The following CELA3B variants were observed in gnomAD, a reference collection of about 807,000 sequenced individuals.
CELA3B encodes the protein chymotrypsin-like elastase family member 3B.
A neutral mutation model predicts 37.2 loss-of-function variants in CELA3B; 34 were observed. That is an observed-to-expected ratio of 0.91 (90% CI 0.70 to 1.22). The LOEUF (loss-of-function observed/expected upper bound fraction) is 1.22, where lower values mean the gene tolerates loss of function less well. Ranked by LOEUF, CELA3B falls within the 50% of genes most tolerant of loss-of-function variation. CELA3B has a pLI of 0.00. For missense variants in CELA3B, 340 were observed against 363.1 expected, an observed-to-expected ratio of 0.94 and a Z score of 0.52; for synonymous variants, 127 against 143.5, an observed-to-expected ratio of 0.89 and a Z score of 0.82.
At chr1:21,982,851 T>C (rs932339088) in intron 4 of CELA3B, among the ~76,000 whole-genome samples, 16 of 152,158 alleles carry the variant, frequency 1.1e-4, no homozygotes, top group Non-Finnish European at 2.2e-4. Flanking sequence ...CTAATTTTTT[T>C]TGTATTTTTA....
intron 1 of CELA3B, among the ~76,000 whole-genome samples, chr1:21,977,397 T>C (rs1644778811): frequency 6.6e-6 from 1 of 152,114 alleles, no homozygotes; most frequent in Non-Finnish European, 1.5e-5. Context: ...ACTGTTCTGC[T>C]TACCACTCCA....
At chr1:21,987,100 G>C (rs890907492) in intron 7 of CELA3B, 15 of 327,688 alleles carry the variant, frequency 4.6e-5, no homozygotes, top group Non-Finnish European at 8.6e-5. Context: ...TGGGTGATCA[G>C]AGAGGACTAA....
intron 2 of CELA3B, among the ~76,000 whole-genome samples, chr1:21,979,038 A>T (rs1644788244): frequency 1.2e-5 from 1 of 86,346 alleles, no homozygotes; most frequent in Non-Finnish European, 2.4e-5. Context: ...ACAGAGTGAG[A>T]CTCTGTCTCA....
At chr1:21,993,025 A>G (rs1160211944), downstream of CELA3B, among the ~76,000 whole-genome samples, 1 of 151,104 alleles carries the variant, frequency 6.6e-6, no homozygotes, top group Non-Finnish European at 1.5e-5. Flanking sequence ...TTCTAATGGC[A>G]GGATGTCCAG....
Position 21,994,508 on chromosome 1 carries a change from A to G in CELA3B, c.505-3643A>G, listed in dbSNP as rs140155659. Among the ~76,000 whole-genome samples, 1,381 of 150,600 alleles carry G rather than the reference A, an allele frequency of 9.2e-3. 53 individuals are homozygous for G. Among genetic ancestry groups the G allele is most frequent in the African/African-American group, 0.02 (799 of 40,616 alleles). On this transcript the variant is annotated intron_variant, in intron 4 of 4. Coordinates refer to the CELA3B transcript ENST00000400277. ...GCCAATTCCCCAGATTAAATTCCCTATACTTCAAATACTTGAGATTTCTGT... is the reference window on the plus strand; with the variant it reads ...GCCAATTCCCCAGATTAAATTCCCTGTACTTCAAATACTTGAGATTTCTGT...
downstream of CELA3B, among the ~76,000 whole-genome samples, chr1:21,992,870 T>A (rs1455521654): frequency 6.8e-6 from 1 of 147,752 alleles, no homozygotes; most frequent in Non-Finnish European, 1.5e-5. Flanking sequence ...GAGGCAGAGG[T>A]GGGAAGATCA....
chr1:21,979,446 TTCTTTTC>T lies in CELA3B; in HGVS notation c.129+994_129+1000del, dbSNP rs1244217252. Among the ~76,000 whole-genome samples the T allele has an allele frequency of 4.5e-3, 472 of 104,458 alleles. 5 individuals are homozygous for T. Among genetic ancestry groups the T allele is most frequent in the African/African-American group, 0.016 (434 of 27,104 alleles). The allele number at this position is 104,458 out of a possible 152,430, so 68.5% of individuals were successfully genotyped here. A position where few individuals can be genotyped will look rare whatever the true frequency, so the allele number is the denominator to read the frequency against. The stretch of plus-strand genomic sequence containing the variant: ...GCCATATTTCTTTTTTTCTTTTCTT[TTCTTTTC>T]TTTTTTTTTTTTTTTTTGAGACAGG... On this transcript the variant is annotated intron_variant, in intron 2 of 7. Transcript: ENST00000337107.
At chr1:21,995,000 CAAAAAAAAA>C (rs61509449) in intron 4 of CELA3B, among the ~76,000 whole-genome samples, 584 of 54,032 alleles carry the variant, frequency 0.011, 21 homozygotes, top group African/African-American at 0.04. Flanking sequence ...AGACTTGTCT[CAAAAAAAAA>C]AAAAAAAAAA....
chr1:21,994,563 A>G (rs1410068109), intron 4 of CELA3B, among the ~76,000 whole-genome samples: 2 of 151,088 alleles, frequency 1.3e-5, no homozygotes, highest in African/African-American at 4.9e-5. Flanking sequence ...TGACAAAGGC[A>G]GACTTCCATC....
At chr1:21,989,087 C>A (rs548248016) in intron 7 of CELA3B, among the ~76,000 whole-genome samples, 175 bp from the exon 8 acceptor site, 1 of 151,932 alleles carries the variant, frequency 6.6e-6, no homozygotes, top group Non-Finnish European at 1.5e-5. Context: ...AGAACCCCCC[C>A]ATGAGGTAAG....
intron 4 of CELA3B, among the ~76,000 whole-genome samples, chr1:21,997,117 T>G (rs1380927461): frequency 6.8e-6 from 1 of 147,722 alleles, no homozygotes; most frequent in Non-Finnish European, 1.5e-5. Context: ...CCTGGCATTT[T>G]GGGAGGCTGA....
rs138341071 is a variant in CELA3B at position 21,983,755 on chromosome 1, G to A, written c.424G>A (p.Ala142Thr). 2.0e-5 allele frequency: 33 copies of A among 1,613,922 alleles called. No homozygotes were observed. The highest frequency in any genetic ancestry group is 1.7e-4 in the African/African-American group (13 of 74,890). Residue 142 changes from alanine (A) to threonine (T), a missense_variant, in exon 5 of 8, where the codon GCC becomes ACC. Ala to Thr is a moderately conservative substitution (Grantham distance 58). Coordinates refer to ENST00000337107, the MANE Select transcript of CELA3B (RefSeq NM_007352.4). ...SAQLGDAVQL[A>T]SLPPAGDILP... ...CCAGCTGGGAGACGCCGTCCAGCTCGCCTCACTCCCTCCGGCTGGTGACAT... is the reference window on the plus strand; with the variant it reads ...CCAGCTGGGAGACGCCGTCCAGCTCACCTCACTCCCTCCGGCTGGTGACAT...
chr1:21,981,338 G>A (rs1644803236), intron 4 of CELA3B, among the ~76,000 whole-genome samples, 166 bp downstream of exon 4: 1 of 134,276 alleles, frequency 7.4e-6, no homozygotes, highest in Admixed American at 8.0e-5. Flanking sequence ...GAAGCCAGAA[G>A]AGCCTTTAAG....
At chr1:21,979,368 A>C (rs1317769393) in intron 2 of CELA3B, among the ~76,000 whole-genome samples, 3 of 151,792 alleles carry the variant, frequency 2.0e-5, no homozygotes, top group Non-Finnish European at 4.4e-5. Flanking sequence ...CACTGCACCC[A>C]GCTGAAATTT....
chr1:21,982,967 G>T (rs1040915893), intron 4 of CELA3B, among the ~76,000 whole-genome samples: 50 of 152,198 alleles, frequency 3.3e-4, no homozygotes, highest in Non-Finnish European at 2.8e-4. Flanking sequence ...TGATACAGCT[G>T]AACTGGGAGG....
intron 6 of CELA3B, among the ~76,000 whole-genome samples, chr1:21,985,428 C>T (rs1186624999): frequency 2.0e-5 from 3 of 152,004 alleles, no homozygotes; most frequent in Non-Finnish European, 4.4e-5. Context: ...CAAGTGTGTG[C>T]CACAATGCCT....
In CELA3B at chr1:21,987,153, GAA is replaced by G. The variant is rs56302995; in HGVS notation, c.795+480_795+481del. 157 of 222,840 alleles carry G rather than the reference GAA, an allele frequency of 7.0e-4. 3 individuals are homozygous for G. The Middle Eastern group carries it at 7.4e-3, about 10-fold the overall frequency. The allele number at this position is 222,840 out of a possible 1,614,324, so 13.8% of individuals were successfully genotyped here. On this transcript the variant is annotated intron_variant, in intron 7 of 7. Transcript: ENST00000337107. Reference sequence around the variant, plus strand: ...GTAATAGCTAAACAAAAAAAAAAAAGAAAAAAAAAAAGAGTAATAGCTGGGCA... The same window carrying G: ...GTAATAGCTAAACAAAAAAAAAAAAGAAAAAAAAAGAGTAATAGCTGGGCA...
At chr1:21,991,391 A>G (rs1178188289), downstream of CELA3B, among the ~76,000 whole-genome samples, 1 of 148,586 alleles carries the variant, frequency 6.7e-6, no homozygotes, top group Non-Finnish European at 1.5e-5. Flanking sequence ...GCTGGAGTAC[A>G]ATGGTGTAAT....
intron 2 of CELA3B, among the ~76,000 whole-genome samples, chr1:21,979,369 G>C (rs1002971627): frequency 6.6e-6 from 1 of 151,906 alleles, no homozygotes; most frequent in East Asian, 2.0e-4. Context: ...ACTGCACCCA[G>C]CTGAAATTTA....
Sources: allele counts gnomAD v4.1 joint callset (sites outside exome capture counted in the v4.1 genomes callset), GRCh38; gene constraint gnomAD v4.1.1; transcripts MANE v1.5; gene names NCBI Gene and HGNC (gene_info 2026-07-23, HGNC 2026-07-21).